Variants in MIB1 observed in about 807,000 individuals in gnomAD.
The protein encoded by MIB1 is E3 ubiquitin-protein ligase MIB1.
MIB1 carries 278 observed loss-of-function variants against 124.5 expected under a neutral mutation model. The ratio of observed to expected loss-of-function variants is 2.23; its 90% CI spans 2.02 to 2.47. The LOEUF is 2.47. MIB1 is among the 30% of genes most tolerant of loss of function. The pLI is 0.00. For synonymous variants in MIB1, 446 were observed against 429.4 expected (o/e 1.04, Z -0.48); for missense variants, 957 against 1,254.4 (o/e 0.76, Z 3.58).
chr18:21,847,273 T>A, intron 16 of MIB1, 148 bp downstream of exon 16: 2 of 754,948 alleles, frequency 2.6e-6, no homozygotes. Flanking sequence ...GAAATTTTTC[T>A]TCCTTGAAAA....
chr18:21,750,255 G>A lies in MIB1; in HGVS notation c.229+8443G>A, dbSNP rs1404058383. ...AGCAATTCTCCTACTGGGTGCAAGC[G>A]ATTCTCCTACCTCAGCCTCCTGAGT... On this transcript the variant is annotated intron_variant, in intron 1 of 20. Transcript: ENST00000261537. Among the ~76,000 whole-genome samples, 4 of 152,128 alleles carry A rather than the reference G, an allele frequency of 2.6e-5. No individual in the cohort carries two copies. In the South Asian group the frequency reaches 8.3e-4, roughly 32 times the overall value.
At chr18:21,746,310 G>A (rs2040912511) in intron 1 of MIB1, among the ~76,000 whole-genome samples, 1 of 152,104 alleles carries the variant, frequency 6.6e-6, no homozygotes, top group Admixed American at 6.6e-5. Flanking sequence ...GTTGTATGCG[G>A]GTCTCTAATA....
intron 9 of MIB1, among the ~76,000 whole-genome samples, chr18:21,800,974 T>A (rs998957881): frequency 2.0e-5 from 3 of 152,096 alleles, no homozygotes; most frequent in African/African-American, 7.2e-5. Context: ...CTTAAGTTTT[T>A]TCTTCATTTA....
At chr18:21,797,090 G>T (rs1382858838) in intron 7 of MIB1, among the ~76,000 whole-genome samples, 1 of 152,114 alleles carries the variant, frequency 6.6e-6, no homozygotes, top group African/African-American at 2.4e-5. Flanking sequence ...TTTGAACACT[G>T]GAATTTTGTG....
At chr18:21,831,116 AAAAAC>A (rs1196443395) in intron 12 of MIB1, 2 of 151,520 alleles carry the variant, frequency 1.3e-5, no homozygotes, top group African/African-American at 2.4e-5. Context: ...AAAAAAAAAA[AAAAAC>A]AAAAACAGAA....
Position 21,815,798 on chromosome 18 carries a change from T to G in MIB1, c.1662T>G (p.Cys554Trp). Residue 554 changes from cysteine to tryptophan, a missense_variant, in exon 11 of 21, where the codon TGT becomes TGG. Coordinates refer to ENST00000261537, the MANE Select transcript of MIB1 (RefSeq NM_020774.4). ...QVVKTLLDFG[C>W]HPSLQDSEGD... ...TGAAGACTTTATTGGACTTTGGCTGTCATCCCAGTCTCCAGGTAAAACCTT... is the reference window on the plus strand; with the variant it reads ...TGAAGACTTTATTGGACTTTGGCTGGCATCCCAGTCTCCAGGTAAAACCTT... 6.2e-7 allele frequency: 1 copy of G among 1,614,136 alleles called. No homozygotes were observed. Among genetic ancestry groups the G allele is most frequent in the Non-Finnish European group, 8.5e-7 (1 of 1,179,976 alleles).
chr18:21,753,493 TA>T (rs2040998291), intron 1 of MIB1, among the ~76,000 whole-genome samples: 1 of 151,936 alleles, frequency 6.6e-6, no homozygotes, highest in South Asian at 2.1e-4. Context: ...AGCCTGAAAA[TA>T]TTTTTTTTTG....
At chr18:21,799,083 G>A (rs2146453446) in intron 8 of MIB1, among the ~76,000 whole-genome samples, 1 of 152,096 alleles carries the variant, frequency 6.6e-6, no homozygotes, top group East Asian at 1.9e-4. Flanking sequence ...AAGAGTGAAG[G>A]ACAGTTAATA....
chr18:21,803,046 C>T (rs990505514), intron 9 of MIB1, among the ~76,000 whole-genome samples: 2 of 152,126 alleles, frequency 1.3e-5, no homozygotes. Flanking sequence ...TCTGGGATTC[C>T]CTGTGCTCTT....
At chr18:21,740,008 G>T (rs936269517), upstream of MIB1, among the ~76,000 whole-genome samples, 1 of 151,654 alleles carries the variant, frequency 6.6e-6, no homozygotes, top group African/African-American at 2.4e-5. Context: ...TTTTACGTCC[G>T]TTTTCTTGTC....
At chr18:21,837,592 A>G (rs1244739958) in intron 12 of MIB1, among the ~76,000 whole-genome samples, 1 of 152,040 alleles carries the variant, frequency 6.6e-6, no homozygotes, top group Non-Finnish European at 1.5e-5. Context: ...ATCCTCCACA[A>G]CCCATTCTCA....
rs577330589 is a variant in MIB1, at chr18:21,765,631, A to C, written c.230-141A>C. 66 of 727,244 alleles carry C rather than the reference A, an allele frequency of 9.1e-5. No individual in the cohort carries two copies. In the South Asian group the frequency reaches 1.2e-3, roughly 13 times the overall value. The allele number at this position is 727,244 out of a possible 1,614,324, so 45.0% of individuals were successfully genotyped here. ...TTGAGATCCATTATCTTGAAGCTAT[A>C]TGTGTTAAATTTGAAGTGTTATTTC... On this transcript the variant is annotated intron_variant, in intron 1 of 20. Coordinates refer to ENST00000261537, the MANE Select transcript of MIB1 (RefSeq NM_020774.4).
At chr18:21,724,295 A>G (rs1016864552) in intron 1 of MIB1, 4 of 152,232 alleles carry the variant, frequency 2.6e-5, no homozygotes, top group African/African-American at 7.2e-5. Flanking sequence ...ATGTCAAATC[A>G]GTAACAGAAA....
chr18:21,736,378 G>A (rs575900083), upstream of MIB1, among the ~76,000 whole-genome samples: 31 of 152,256 alleles, frequency 2.0e-4, no homozygotes, highest in African/African-American at 6.3e-4. Flanking sequence ...CATCAAAGAC[G>A]AAAGGTAGAT....
rs1020574626 is a variant in MIB1, at chr18:21,851,048, T to G, written c.2586+1660T>G. Reference sequence around the variant, plus strand: ...ACTATGACTTATATATAAGCAACTCTGCCATATTGGGTGTTGTAGGTGCTT... The same window carrying G: ...ACTATGACTTATATATAAGCAACTCGGCCATATTGGGTGTTGTAGGTGCTT... On this transcript the variant is annotated intron_variant, in intron 17 of 20. Coordinates refer to ENST00000261537, the MANE Select transcript of MIB1 (RefSeq NM_020774.4). Among the ~76,000 whole-genome samples the G allele has an allele frequency of 4.6e-5, 7 of 152,314 alleles. No homozygotes were observed. The South Asian group carries it at 1.5e-3, about 32-fold the overall frequency.
In MIB1 at chr18:21,870,799, A is replaced by G. The variant is rs561047305; in HGVS notation, c.*6133A>G. On this transcript the variant is annotated 3_prime_UTR_variant, in exon 21 of 21. Coordinates refer to ENST00000261537, the MANE Select transcript of MIB1 (RefSeq NM_020774.4). Reference sequence around the variant, plus strand: ...TATCTTTTGTTTATTTGAAAAAAGCATATATATTCCAACTTTAAAATTGTG... The same window carrying G: ...TATCTTTTGTTTATTTGAAAAAAGCGTATATATTCCAACTTTAAAATTGTG... The G allele has an allele frequency of 2.6e-5, 4 of 152,336 alleles. No homozygotes were observed. The East Asian group carries it at 7.7e-4, about 29-fold the overall frequency. The allele number at this position is 152,336 out of a possible 1,614,324, so 9.4% of individuals were successfully genotyped here. A position where few individuals can be genotyped will look rare whatever the true frequency, so the allele number is the denominator to read the frequency against.
intron 20 of MIB1, among the ~76,000 whole-genome samples, chr18:21,859,255 A>G (rs1474954542): frequency 6.6e-6 from 1 of 151,854 alleles, no homozygotes; most frequent in Admixed American, 6.6e-5. Context: ...ACAAATAAGA[A>G]ATTAGCTGGG....
At chr18:21,777,836 G>T (rs1303111351) in intron 4 of MIB1, among the ~76,000 whole-genome samples, 1 of 152,190 alleles carries the variant, frequency 6.6e-6, no homozygotes, top group Non-Finnish European at 1.5e-5. Context: ...AGGATTACAG[G>T]CGTGAGCCAA....
chr18:21,706,309 G>A (rs1370199863), intron 1 of MIB1, among the ~76,000 whole-genome samples: 2 of 152,152 alleles, frequency 1.3e-5, no homozygotes, highest in Non-Finnish European at 2.9e-5. Context: ...TGGAACTCCT[G>A]ATCCACTCGC....
Sources: gnomAD v4.1 joint callset for allele counts (sites outside exome capture counted in the v4.1 genomes callset) on GRCh38, gnomAD v4.1.1 for gene constraint, MANE v1.5 for transcripts, NCBI Gene and HGNC (gene_info 2026-07-23, HGNC 2026-07-21) for gene names.